Variants in PHAX observed in about 807,000 individuals in gnomAD.
The protein encoded by PHAX is phosphorylated adapter RNA export protein.
Under a neutral mutation model 41.6 loss-of-function variants are expected in PHAX, and 31 were observed. The ratio of observed to expected loss-of-function variants is 0.75; its 90% confidence interval spans 0.56 to 1.01. PHAX has a LOEUF of 1.01. Ranked by LOEUF, PHAX falls within the 50% of genes least tolerant of loss-of-function variation. The pLI, the probability that PHAX is intolerant of heterozygous loss-of-function variation, is 0.00. For synonymous variants in PHAX, 175 were observed against 164.9 expected, an observed-to-expected ratio of 1.06 and a Z score of -0.47; for missense variants, 453 against 472.9, an observed-to-expected ratio of 0.96 and a Z score of 0.39.
intron 3 of PHAX, among the ~76,000 whole-genome samples, chr5:126,609,690 C>A (rs1752049329): frequency 2.0e-5 from 3 of 150,558 alleles, no homozygotes; most frequent in African/African-American, 4.9e-5. Flanking sequence ...TCACTTAATT[C>A]ATGCATTCTT....
intron 4 of PHAX, among the ~76,000 whole-genome samples, chr5:126,622,442 A>ATT (rs56297404): frequency 1.2e-4 from 7 of 56,070 alleles, no homozygotes; most frequent in Admixed American, 2.9e-4. Context: ...TAATTTTTGT[A>ATT]TTTTTTTTTT....
chr5:126,625,711 G>A lies in PHAX; in HGVS notation c.*867G>A, dbSNP rs1042497680. 1.3e-5 allele frequency: 2 copies of A among 151,932 alleles called. No individual in the cohort carries two copies. The allele number at this position is 151,932 out of a possible 1,614,324, so 9.4% of individuals were successfully genotyped here. The stretch of plus-strand genomic sequence containing the variant: ...TTCCAAGTAACTATTTGTTTTTTGG[G>A]GGGTTTTTTAGTTAGAGTCTTGATC... On this transcript the variant is annotated 3_prime_UTR_variant, in exon 5 of 5. Transcript: ENST00000297540.
rs116591806 is a variant in PHAX at position 126,600,956 on chromosome 5, C to A, written c.-7C>A. 8.2e-4 allele frequency: 1,307 copies of A among 1,600,784 alleles called. 9 individuals are homozygous for A. In the African/African-American group the frequency reaches 0.016, roughly 20 times the overall value. ...CGCCGCTGTGCAGCGCAGCGCACCGCGGGAAGATGGCGTTGGAGGTCGGCG... is the reference window on the plus strand; with the variant it reads ...CGCCGCTGTGCAGCGCAGCGCACCGAGGGAAGATGGCGTTGGAGGTCGGCG... On this transcript the variant is annotated 5_prime_UTR_variant, in exon 1 of 5. Transcript: ENST00000297540.
intron 4 of PHAX, among the ~76,000 whole-genome samples, chr5:126,619,426 A>G (rs1396237130): frequency 6.6e-6 from 1 of 152,090 alleles, no homozygotes; most frequent in Non-Finnish European, 1.5e-5. Flanking sequence ...CAATACAAAA[A>G]TTAACCAGGC....
At chr5:126,616,608 G>A (rs562315405) in intron 3 of PHAX, among the ~76,000 whole-genome samples, 7 of 151,820 alleles carry the variant, frequency 4.6e-5, no homozygotes, top group Non-Finnish European at 8.8e-5. Flanking sequence ...TGGTGGGTGC[G>A]GTGGCTCACA....
chr5:126,612,294 A>G (rs976541529), intron 3 of PHAX, among the ~76,000 whole-genome samples: 56 of 152,194 alleles, frequency 3.7e-4, no homozygotes, highest in African/African-American at 1.3e-3. Context: ...AGTAGGATAT[A>G]AGGTCAGAGA....
chr5:126,612,341 A>G (rs1752115088), intron 3 of PHAX, among the ~76,000 whole-genome samples: 1 of 152,132 alleles, frequency 6.6e-6, no homozygotes, highest in Non-Finnish European at 1.5e-5. Flanking sequence ...CTTGTTTGCC[A>G]TCTTAAGGAA....
At chr5:126,606,669 T>G (rs749641229) in intron 2 of PHAX, among the ~76,000 whole-genome samples, 1 of 152,070 alleles carries the variant, frequency 6.6e-6, no homozygotes, top group Non-Finnish European at 1.5e-5. Flanking sequence ...TTGTTTTGTT[T>G]TAGACAGAGT....
intron 4 of PHAX, among the ~76,000 whole-genome samples, chr5:126,622,941 C>G (rs182048167): frequency 1.5e-4 from 23 of 152,072 alleles, no homozygotes; most frequent in African/African-American, 4.8e-4. Context: ...GCCTGGGCAA[C>G]ATGGAGAAAC....
intron 3 of PHAX, among the ~76,000 whole-genome samples, chr5:126,611,637 A>G (rs1658529790): frequency 6.6e-6 from 1 of 151,968 alleles, no homozygotes; most frequent in South Asian, 2.1e-4. Flanking sequence ...ATATGTATAC[A>G]TATATTAGCC....
intron 4 of PHAX, among the ~76,000 whole-genome samples, chr5:126,617,589 G>C (rs539085313): frequency 6.6e-6 from 1 of 151,812 alleles, no homozygotes; most frequent in Non-Finnish European, 1.5e-5. Context: ...AGTGATTCTC[G>C]TGCCTCAGCC....
At chr5:126,608,287 T>G (rs866877189) in intron 2 of PHAX, 77 bp from the exon 3 acceptor site, 2 of 1,493,576 alleles carry the variant, frequency 1.3e-6, no homozygotes, top group South Asian at 2.8e-5. Context: ...AGATTTTTAT[T>G]CTAGCTGGTG....
chr5:126,618,394 CA>C (rs1040584986), intron 4 of PHAX, among the ~76,000 whole-genome samples: 2 of 150,162 alleles, frequency 1.3e-5, no homozygotes, highest in Non-Finnish European at 3.0e-5. Flanking sequence ...AAAAAAAATA[CA>C]AAAAAAAAGT....
intron 3 of PHAX, among the ~76,000 whole-genome samples, chr5:126,615,185 G>A (rs1349285906): frequency 6.6e-6 from 1 of 151,420 alleles, no homozygotes; most frequent in African/African-American, 2.4e-5. Flanking sequence ...TTTTGCAGTT[G>A]CTAGCATTCC....
chr5:126,621,757 AAAAC>A (rs756244372), intron 4 of PHAX, among the ~76,000 whole-genome samples: 173 of 152,314 alleles, frequency 1.1e-3, no homozygotes, highest in Non-Finnish European at 1.9e-3. Context: ...AAGCTCAGCT[AAAAC>A]ACTAGAGTTA....
intron 2 of PHAX, among the ~76,000 whole-genome samples, chr5:126,604,509 C>T (rs1222576379): frequency 6.6e-6 from 1 of 152,034 alleles, no homozygotes; most frequent in Non-Finnish European, 1.5e-5. Context: ...AAGGGATCCA[C>T]CCGCCTTTGC....
At chr5:126,614,155 G>T (rs1047371800) in intron 3 of PHAX, among the ~76,000 whole-genome samples, 7 of 152,132 alleles carry the variant, frequency 4.6e-5, no homozygotes, top group Middle Eastern at 3.2e-3. Flanking sequence ...GTGGAGTACA[G>T]TGTTGCCATC....
At chr5:126,614,749 C>T (rs1752158893) in intron 3 of PHAX, among the ~76,000 whole-genome samples, 1 of 151,938 alleles carries the variant, frequency 6.6e-6, no homozygotes, top group South Asian at 2.1e-4. Flanking sequence ...CACCCAGACT[C>T]CTCTCCAACA....
intron 4 of PHAX, among the ~76,000 whole-genome samples, chr5:126,621,582 T>C (rs1752272945): frequency 6.6e-6 from 1 of 152,216 alleles, no homozygotes; most frequent in Non-Finnish European, 1.5e-5. Flanking sequence ...ACAGTCACCA[T>C]ATGTAGAACT....
Sources: allele counts gnomAD v4.1 joint callset (sites outside exome capture counted in the v4.1 genomes callset), GRCh38; gene constraint gnomAD v4.1.1; transcripts MANE v1.5; gene names NCBI Gene and HGNC (gene_info 2026-07-23, HGNC 2026-07-21).